VARS2: variants seen among roughly 807,000 people sequenced by gnomAD.
The protein encoded by VARS2 is valyl-tRNA synthetase 2, mitochondrial.
In VARS2, 105 loss-of-function variants were observed where a neutral mutation model predicts 154.1. The ratio of observed to expected loss-of-function variants is 0.68; its 90% CI spans 0.58 to 0.80. The LOEUF (loss-of-function observed/expected upper bound fraction) is 0.80, where lower values mean the gene tolerates loss of function less well. VARS2 is among the 30% of genes least tolerant of loss of function. The pLI is 0.00. For synonymous variants in VARS2, 483 were observed against 539.5 expected (o/e 0.90, Z 1.45); for missense variants, 1,157 against 1,361.4 (o/e 0.85, Z 2.36).
chr6:30,921,578 T>G lies in VARS2; in HGVS notation c.1633-11T>G, dbSNP rs1794513944. ...TTCCTCACTCTCCCCAACCCCTTCC[T>G]ACTTTTGCAGGGAGAAGAGGACTGT... On this transcript the variant is annotated splice_polypyrimidine_tract_variant and intron_variant, in intron 17 of 29. Transcript: ENST00000676266. The surrounding 1 kb of genome is among the most constrained non-coding windows in gnomAD (Gnocchi z 4.6). 6.3e-7 allele frequency: 1 copy of G among 1,598,964 alleles called. No homozygotes were observed. Among genetic ancestry groups the G allele is most frequent in the Non-Finnish European group, 8.5e-7 (1 of 1,174,884 alleles).
At position 30,922,520 on chromosome 6, in the gene VARS2, A is replaced by G; in HGVS notation, c.2003A>G (p.Asp668Gly). 1 of 1,581,346 alleles carries G rather than the reference A, an allele frequency of 6.3e-7. No individual in the cohort carries two copies. Among genetic ancestry groups the G allele is most frequent in the Non-Finnish European group, 8.6e-7 (1 of 1,163,806 alleles). The change falls in exon 21 of 30, where the codon GAC (aspartate) becomes GGC (glycine). Residue 668 changes from aspartate to glycine, a missense_variant. Physicochemically the swap from Asp to Gly is moderately conservative, Grantham distance 94. Transcript: ENST00000676266. ...KMSKSLGNVLDPRDIISGVEM... is the reference protein window; with the variant it reads ...KMSKSLGNVLGPRDIISGVEM... ...AGCAAGTCCCTGGGGAATGTGCTGG[A>G]CCCAAGAGACATCATCAGTGGGGTG...
At position 30,926,399 on chromosome 6, in the gene VARS2, C is replaced by A; in HGVS notation, c.*189C>A. On this transcript the variant is annotated 3_prime_UTR_variant, in exon 30 of 30. Transcript: ENST00000676266. Reference sequence around the variant, plus strand: ...TTGAGATGCTCACATTACTGCCCGGCCTGCCTCCCACCTGGAAGTCTGGGA... The same window carrying A: ...TTGAGATGCTCACATTACTGCCCGGACTGCCTCCCACCTGGAAGTCTGGGA... 1 of 624,366 alleles carries A rather than the reference C, an allele frequency of 1.6e-6. No individual in the cohort carries two copies. Among genetic ancestry groups the A allele is most frequent in the Non-Finnish European group, 2.8e-6 (1 of 357,860 alleles). The allele number at this position is 624,366 out of a possible 1,614,324, so 38.7% of individuals were successfully genotyped here. A position where few individuals can be genotyped will look rare whatever the true frequency, so the allele number is the denominator to read the frequency against.
Position 30,921,215 on chromosome 6 carries a change from A to G in VARS2, c.1557-15A>G, listed in dbSNP as rs1235397353. ...GACTGGTTATTCTAAGACTTCACGA[A>G]TGTCCTCCCGGCAGGGACTGGTGTG... is the stretch of plus-strand genomic sequence containing the variant. On this transcript the variant is annotated splice_polypyrimidine_tract_variant and intron_variant, in intron 16 of 29. Transcript: ENST00000676266. This position sits in a 1 kb window ranked among gnomAD's most constrained non-coding sequence, Gnocchi z 4.6. 2.5e-6 allele frequency: 4 copies of G among 1,613,980 alleles called. No individual in the cohort carries two copies. Among genetic ancestry groups the G allele is most frequent in the South Asian group, 1.1e-5 (1 of 91,076 alleles).
chr6:30,925,314 G>A lies in VARS2; in HGVS notation c.2714G>A (p.Arg905Gln), dbSNP rs1390161125. The change falls in exon 27 of 30, where the codon CGG (arginine) becomes CAG (glutamine). Residue 905 changes from arginine to glutamine, a missense_variant. Transcript: ENST00000676266. ...RQPELERRFSRVQEVVQVLRA... is the reference protein window; with the variant it reads ...RQPELERRFSQVQEVVQVLRA... ...CCAGAGCTGGAGCGGCGCTTCTCCC[G>A]GGTCCAAGAGGTCGTGCAGGTGCTA... 3.7e-6 allele frequency: 6 copies of A among 1,612,604 alleles called. No individual in the cohort carries two copies. Among genetic ancestry groups the A allele is most frequent in the East Asian group, 2.2e-5 (1 of 44,858 alleles).
chr6:30,920,921 T>G lies in VARS2; in HGVS notation c.1480-144T>G. 2 of 1,144,098 alleles carry G rather than the reference T, an allele frequency of 1.7e-6. No individual in the cohort carries two copies. The highest frequency in any genetic ancestry group is 2.4e-6 in the Non-Finnish European group (2 of 819,368). 70.9% of individuals were successfully genotyped at this position (1,144,098 alleles called of 1,614,324 possible). A position where few individuals can be genotyped will look rare whatever the true frequency, so the allele number is the denominator to read the frequency against. On this transcript the variant is annotated intron_variant, in intron 15 of 29. Coordinates refer to ENST00000676266, the MANE Select transcript of VARS2 (RefSeq NM_020442.6). This position sits in a 1 kb window ranked among gnomAD's most constrained non-coding sequence, Gnocchi z 4.6. Reference sequence around the variant, plus strand: ...GCGGCCCAGCAAGGGCTGGCTCATATCCTTACTCAAGCCCAGAATCTTGGC... The same window carrying G: ...GCGGCCCAGCAAGGGCTGGCTCATAGCCTTACTCAAGCCCAGAATCTTGGC...
rs1159108637 is a variant in VARS2 at position 30,915,679 on chromosome 6, A to C, written c.385-67A>C. 3 of 1,596,854 alleles carry C rather than the reference A, an allele frequency of 1.9e-6. No homozygotes were observed. In the African/African-American group the frequency reaches 4.0e-5, roughly 21 times the overall value. ...CCTTGAAGTTCTTTCTGTTCTGGAGACAGTAGAGGGTGCTCTTTCCCCAAT... is the reference window on the plus strand; with the variant it reads ...CCTTGAAGTTCTTTCTGTTCTGGAGCCAGTAGAGGGTGCTCTTTCCCCAAT... On this transcript the variant is annotated intron_variant, in intron 4 of 29. Transcript: ENST00000676266.
In VARS2 at chr6:30,916,271, CG is replaced by C; in HGVS notation, c.671+28del. The C allele has an allele frequency of 1.3e-6, 2 of 1,591,038 alleles. No individual in the cohort carries two copies. The highest frequency in any genetic ancestry group is 2.2e-5 in the East Asian group (1 of 44,548). On this transcript the variant is annotated intron_variant, in intron 7 of 29. Coordinates refer to ENST00000676266, the MANE Select transcript of VARS2 (RefSeq NM_020442.6). This position sits in a 1 kb window ranked among gnomAD's most constrained non-coding sequence, Gnocchi z 4.0. ...AGGCGTGAGTATGATGGGCAGGACT[CG>C]GGGGGCCCAGATGGCAGATTTGGTT... is the stretch of plus-strand genomic sequence containing the variant.
Position 30,926,197 on chromosome 6 carries a change from G to A in VARS2, c.3179G>A (p.Ser1060Asn), listed in dbSNP as rs1266390039. 1 of 1,613,090 alleles carries A rather than the reference G, an allele frequency of 6.2e-7. No individual in the cohort carries two copies. The highest frequency in any genetic ancestry group is 1.7e-5 in the Admixed American group (1 of 60,032). ...ATGGATGAGCCTCCAGCCCCAGGGA[G>A]CCCGGAGCTCTAACTCATCATCCCC... ...QLMDEPPAPGSPEL is the reference protein window; with the variant it reads ...QLMDEPPAPGNPEL Residue 1060 changes from serine (S) to asparagine (N), a missense_variant, in exon 30 of 30, where the codon AGC (serine) becomes AAC (asparagine). Ser to Asn is a conservative substitution (Grantham distance 46, BLOSUM62 1). Coordinates refer to ENST00000676266, the MANE Select transcript of VARS2 (RefSeq NM_020442.6).
At chr6:30,924,817 A>G (rs1014793040) in intron 26 of VARS2, among the ~76,000 whole-genome samples, 12 of 152,238 alleles carry the variant, frequency 7.9e-5, no homozygotes, top group South Asian at 2.1e-4. Context: ...AGTTTCCCGC[A>G]TGTTTAAACT....
In VARS2 at chr6:30,915,735, T is replaced by C; in HGVS notation, c.385-11T>C. ...TCTCTCTTGCCCCTTTGACTTTTTT[T>C]CTTCCTCTAGGCCCGGCTGCCCCAA... On this transcript the variant is annotated splice_polypyrimidine_tract_variant and intron_variant, in intron 4 of 29. Coordinates refer to ENST00000676266, the MANE Select transcript of VARS2 (RefSeq NM_020442.6). 6.2e-7 allele frequency: 1 copy of C among 1,612,734 alleles called. No homozygotes were observed. The highest frequency in any genetic ancestry group is 8.5e-7 in the Non-Finnish European group (1 of 1,179,756).
Position 30,923,206 on chromosome 6 carries a change from A to G in VARS2, c.2288A>G (p.Lys763Arg). Residue 763 changes from lysine (K) to arginine (R), a missense_variant, in exon 24 of 30, where the codon AAA (lysine) becomes AGA (arginine). Coordinates refer to ENST00000676266, the MANE Select transcript of VARS2 (RefSeq NM_020442.6). The stretch of plus-strand genomic sequence containing the variant: ...TTTATCCTCAATGCTTTAGGGGAGA[A>G]ATTTGTGCCACAGCCTGCTGAGGAG... ...LRFILNALGE[K>R]FVPQPAEELS... 1 of 1,613,038 alleles carries G rather than the reference A, an allele frequency of 6.2e-7. No homozygotes were observed. Among genetic ancestry groups the G allele is most frequent in the Non-Finnish European group, 8.5e-7 (1 of 1,179,998 alleles).
At chr6:30,918,698 T>A in intron 10 of VARS2, 129 bp from the exon 11 acceptor site, 1 of 693,896 alleles carries the variant, frequency 1.4e-6, no homozygotes, top group Middle Eastern at 3.7e-4. Flanking sequence ...TTCTAGTCAC[T>A]CCTGGGGGCC....
Position 30,921,927 on chromosome 6 carries a change from C to T in VARS2, c.1738C>T (p.Pro580Ser), listed in dbSNP as rs1436384009. ...PGAELTLERD[P>S]DVLDTWFSSA... ...CCCATTCTTTTTCTGTTTCCCAGAT[C>T]CTGATGTCCTAGACACATGGTTTTC... The change falls in exon 19 of 30, where the codon CCT (proline) becomes TCT (serine). Residue 580 changes from proline to serine, a missense_variant and splice_region_variant. Coordinates refer to ENST00000676266, the MANE Select transcript of VARS2 (RefSeq NM_020442.6). The surrounding 1 kb of genome is among the most constrained non-coding windows in gnomAD (Gnocchi z 4.6). 1 of 1,613,024 alleles carries T rather than the reference C, an allele frequency of 6.2e-7. No homozygotes were observed. Among genetic ancestry groups the T allele is most frequent in the East Asian group, 2.2e-5 (1 of 44,884 alleles).
In VARS2 at chr6:30,926,211, C is replaced by T. The variant is rs753480026; in HGVS notation, c.*1C>T. On this transcript the variant is annotated 3_prime_UTR_variant, in exon 30 of 30. Coordinates refer to ENST00000676266, the MANE Select transcript of VARS2 (RefSeq NM_020442.6). Reference sequence around the variant, plus strand: ...AGCCCCAGGGAGCCCGGAGCTCTAACTCATCATCCCCATCAGTTTTCCTCC... The same window carrying T: ...AGCCCCAGGGAGCCCGGAGCTCTAATTCATCATCCCCATCAGTTTTCCTCC... The T allele has an allele frequency of 3.1e-6, 5 of 1,612,962 alleles. No homozygotes were observed. Among genetic ancestry groups the T allele is most frequent in the African/African-American group, 1.3e-5 (1 of 74,956 alleles).
In VARS2 at chr6:30,919,379, GTGTCAC is replaced by G. The variant is rs1029035683; in HGVS notation, c.1075-375_1075-370del. The G allele has an allele frequency of 4.9e-6, 1 of 205,250 alleles. No individual in the cohort carries two copies. Among genetic ancestry groups the G allele is most frequent in the African/African-American group, 2.3e-5 (1 of 43,346 alleles). 12.7% of individuals were successfully genotyped at this position (205,250 alleles called of 1,614,324 possible). A position where few individuals can be genotyped will look rare whatever the true frequency, so the allele number is the denominator to read the frequency against. ...AGTAATGTTATTTAGTAGAGACGGA[GTGTCAC>G]TGTGTTAGCCAGGATAGTCTCGATC... On this transcript the variant is annotated intron_variant, in intron 11 of 29. Transcript: ENST00000676266. This position sits in a 1 kb window ranked among gnomAD's most constrained non-coding sequence, Gnocchi z 4.5.
chr6:30,922,590 G>C, intron 21 of VARS2, 36 bp downstream of exon 21: 1 of 1,558,324 alleles, frequency 6.4e-7, no homozygotes, highest in Non-Finnish European at 8.7e-7. Context: ...GACAAGGTTT[G>C]CAGGGTTTGC....
chr6:30,918,894 T>G lies in VARS2; in HGVS notation c.1053T>G (p.His351Gln). Residue 351 changes from histidine (H) to glutamine (Q), a missense_variant, in exon 11 of 30, where the codon CAT becomes CAG. Transcript: ENST00000676266. ...CTGGAGATGTGGCTGTGGCCGTTCA[T>G]CCAGACGACTCGCGATACACAGTAA... ...TLPGDVAVAV[H>Q]PDDSRYTHLH... is the part of the protein sequence containing the mutation. 6.2e-7 allele frequency: 1 copy of G among 1,612,810 alleles called. No individual in the cohort carries two copies. The highest frequency in any genetic ancestry group is 8.5e-7 in the Non-Finnish European group (1 of 1,180,004).
At chr6:30,914,718 C>G in intron 1 of VARS2, 92 bp from the exon 2 acceptor site, 2 of 1,271,784 alleles carry the variant, frequency 1.6e-6, no homozygotes, top group Non-Finnish European at 2.2e-6. Context: ...GAATAACAGA[C>G]CTGTGCTAAT....
chr6:30,917,283 T>G lies in VARS2; in HGVS notation c.873+59T>G. The G allele has an allele frequency of 6.2e-7, 1 of 1,612,562 alleles. No homozygotes were observed. Among genetic ancestry groups the G allele is most frequent in the Non-Finnish European group, 8.5e-7 (1 of 1,179,442 alleles). On this transcript the variant is annotated intron_variant, in intron 9 of 29. Coordinates refer to ENST00000676266, the MANE Select transcript of VARS2 (RefSeq NM_020442.6). This position sits in a 1 kb window ranked among gnomAD's most constrained non-coding sequence, Gnocchi z 4.4. ...GCTCTGAGGCAGAGTGGTCAATGAT[T>G]AAGAGCTCAGACTCTGGAGCCAGGG... is the stretch of plus-strand genomic sequence containing the variant.
Sources: allele counts gnomAD v4.1 joint callset (sites outside exome capture counted in the v4.1 genomes callset), GRCh38; gene constraint gnomAD v4.1.1; non-coding constraint Gnocchi (gnomAD v3.1); transcripts MANE v1.5; gene names NCBI Gene and HGNC (gene_info 2026-07-23, HGNC 2026-07-21).